The following WASHC4 variants were observed in gnomAD, a reference collection of about 807,000 sequenced individuals.
The protein encoded by WASHC4 is WASH complex subunit 7.
A neutral mutation model predicts 166.6 loss-of-function variants in WASHC4; 86 were observed. That is an observed-to-expected ratio of 0.52 (90% confidence interval 0.43 to 0.62). WASHC4 has a LOEUF of 0.62. Ranked by LOEUF, WASHC4 falls within the 20% of genes least tolerant of loss-of-function variation. The pLI, the probability that WASHC4 is intolerant of heterozygous loss-of-function variation, is 0.00. For missense variants in WASHC4, 1,262 were observed against 1,382.4 expected, an observed-to-expected ratio of 0.91 and a Z score of 1.38; for synonymous variants, 446 against 451.6, an observed-to-expected ratio of 0.99 and a Z score of 0.16.
chr12:105,107,748 C>A lies in WASHC4; in HGVS notation c.-53C>A, dbSNP rs576445062. 194 of 1,350,542 alleles carry A rather than the reference C, an allele frequency of 1.4e-4. No individual in the cohort carries two copies. Among genetic ancestry groups the A allele is most frequent in the Admixed American group, 1.3e-3 (63 of 50,018 alleles). The allele number at this position is 1,350,542 out of a possible 1,614,324, so 83.7% of individuals were successfully genotyped here. A position where few individuals can be genotyped will look rare whatever the true frequency, so the allele number is the denominator to read the frequency against. On this transcript the variant is annotated 5_prime_UTR_variant, in exon 1 of 33. Coordinates refer to ENST00000332180, the MANE Select transcript of WASHC4 (RefSeq NM_015275.3). ...GCTGTGACAGTAGCTGGGGTGAGGC[C>A]GTCGTCGCCGCACGGGCTGGTTGGG... is the stretch of plus-strand genomic sequence containing the variant.
In WASHC4 at chr12:105,162,753, TCAACTTTGTAGAG is replaced by T; in HGVS notation, c.3068_3080del (p.Asn1023IlefsTer9). ...CATGTTGTTACATCTTTTTAGACCCTCAACTTTGTAGAGCATTCCATTAGTTGCAAGGAAAAAT... is the reference window on the plus strand; with the variant it reads ...CATGTTGTTACATCTTTTTAGACCCTCATTCCATTAGTTGCAAGGAAAAAT... On this transcript the variant is annotated frameshift_variant, in exon 30 of 33. Transcript: ENST00000332180. LOFTEE classifies it high-confidence loss of function. 6.4e-7 allele frequency: 1 copy of T among 1,560,604 alleles called. No homozygotes were observed. The highest frequency in any genetic ancestry group is 8.8e-7 in the Non-Finnish European group (1 of 1,134,532).
At chr12:105,161,077 T>TA (rs980646125) in intron 29 of WASHC4, among the ~76,000 whole-genome samples, 2 of 151,978 alleles carry the variant, frequency 1.3e-5, no homozygotes, top group African/African-American at 2.4e-5. Flanking sequence ...CTATAAAGTT[T>TA]AAAAAAAATT....
chr12:105,141,266 G>A lies in WASHC4; in HGVS notation c.1787+20G>A. 2.8e-6 allele frequency: 4 copies of A among 1,451,578 alleles called. No individual in the cohort carries two copies. Among genetic ancestry groups the A allele is most frequent in the Non-Finnish European group, 3.9e-6 (4 of 1,031,688 alleles). The allele number at this position is 1,451,578 out of a possible 1,614,324, so 89.9% of individuals were successfully genotyped here. A position where few individuals can be genotyped will look rare whatever the true frequency, so the allele number is the denominator to read the frequency against. ...AGAACGGTAAGTAGGACTGGGATAT[G>A]CTGTGGTACTCCAAAGACAGGGTTA... On this transcript the variant is annotated intron_variant, in intron 18 of 32. Coordinates refer to ENST00000332180, the MANE Select transcript of WASHC4 (RefSeq NM_015275.3).
At chr12:105,135,822 A>G (rs889673752) in intron 14 of WASHC4, among the ~76,000 whole-genome samples, 2 of 152,046 alleles carry the variant, frequency 1.3e-5, no homozygotes, top group Non-Finnish European at 2.9e-5. Flanking sequence ...GCTTATTTTG[A>G]AGCACATGTC....
chr12:105,137,209 T>G (rs1882406546), intron 14 of WASHC4, among the ~76,000 whole-genome samples: 1 of 152,212 alleles, frequency 6.6e-6, no homozygotes, highest in African/African-American at 2.4e-5. Flanking sequence ...TCACTGAGTT[T>G]AATAGCATTA....
chr12:105,155,735 G>C (rs1409233758), intron 26 of WASHC4, among the ~76,000 whole-genome samples: 1 of 152,150 alleles, frequency 6.6e-6, no homozygotes, highest in African/African-American at 2.4e-5. Context: ...ACAGCTACTT[G>C]GGAGGCTGAG....
intron 28 of WASHC4, among the ~76,000 whole-genome samples, chr12:105,158,504 A>G (rs1032614923): frequency 1.3e-5 from 2 of 152,206 alleles, no homozygotes; most frequent in Non-Finnish European, 2.9e-5. Context: ...TGAAAAATTT[A>G]GAATGTGAGC....
At chr12:105,129,163 C>G (rs1021860874) in intron 13 of WASHC4, among the ~76,000 whole-genome samples, 63 of 152,144 alleles carry the variant, frequency 4.1e-4, no homozygotes, top group Non-Finnish European at 2.4e-4. Flanking sequence ...TCAGGCTGGT[C>G]TCGAACTCCT....
At chr12:105,159,511 A>G (rs778905705) in intron 28 of WASHC4, among the ~76,000 whole-genome samples, 35 of 152,194 alleles carry the variant, frequency 2.3e-4, no homozygotes, top group Non-Finnish European at 3.7e-4. Flanking sequence ...GTCACAAAGG[A>G]AGATTTCTTT....
chr12:105,126,689 A>G (rs962764372), intron 12 of WASHC4, among the ~76,000 whole-genome samples: 2 of 151,928 alleles, frequency 1.3e-5, no homozygotes, highest in Admixed American at 6.6e-5. Flanking sequence ...ATTTCTTTCT[A>G]TGTCTTTGCT....
chr12:105,112,453 TG>T (rs1879790029), intron 2 of WASHC4, among the ~76,000 whole-genome samples: 2 of 151,012 alleles, frequency 1.3e-5, no homozygotes, highest in Admixed American at 6.6e-5. Flanking sequence ...GTGGAAATCC[TG>T]GGTTATGTGG....
chr12:105,147,769 G>A, intron 24 of WASHC4: 1 of 353,704 alleles, frequency 2.8e-6, no homozygotes, highest in Non-Finnish European at 4.0e-6. Context: ...GCCAGGCGTG[G>A]TGGCGGGCGC....
At chr12:105,129,811 A>G (rs1881631794) in intron 13 of WASHC4, among the ~76,000 whole-genome samples, 3 of 152,270 alleles carry the variant, frequency 2.0e-5, no homozygotes, top group Admixed American at 2.0e-4. Context: ...GGTGAAGATG[A>G]CAGATAGTAA....
At position 105,149,711 on chromosome 12, in the gene WASHC4, C is replaced by A; in HGVS notation, c.2611C>A (p.Arg871=). 1 of 1,585,252 alleles carries A rather than the reference C, an allele frequency of 6.3e-7. No individual in the cohort carries two copies. The highest frequency in any genetic ancestry group is 1.1e-5 in the South Asian group (1 of 89,484). ...CAAATCCAGATTGATTAAAGATATT[C>A]GATTTTTCAGGGAAATTAAGGACCA... ...HIKSRLIKDI[R]FFREIKDQND... Residue 871 remains arginine (R), a synonymous_variant, in exon 25 of 33, where the codon CGA becomes AGA. Transcript: ENST00000332180.
At position 105,137,763 on chromosome 12, in the gene WASHC4, G is replaced by A. The variant is rs937603148; in HGVS notation, c.1327-123G>A. 9 of 756,186 alleles carry A rather than the reference G, an allele frequency of 1.2e-5. No homozygotes were observed. The African/African-American group carries it at 1.4e-4, about 12-fold the overall frequency. 46.8% of individuals were successfully genotyped at this position (756,186 alleles called of 1,614,324 possible). A position where few individuals can be genotyped will look rare whatever the true frequency, so the allele number is the denominator to read the frequency against. On this transcript the variant is annotated intron_variant, in intron 14 of 32. Transcript: ENST00000332180. ...GAGTATTTCCAAATCTTAAGAGCTGGCTTTAAGATGAACTTTAGAAACATT... is the reference window on the plus strand; with the variant it reads ...GAGTATTTCCAAATCTTAAGAGCTGACTTTAAGATGAACTTTAGAAACATT...
Position 105,157,259 on chromosome 12 carries a change from T to C in WASHC4, c.2849T>C (p.Ile950Thr), listed in dbSNP as rs1355094828. 1.9e-6 allele frequency: 3 copies of C among 1,546,332 alleles called. No homozygotes were observed. The highest frequency in any genetic ancestry group is 2.7e-6 in the Non-Finnish European group (3 of 1,121,176). ...AGATTTGTTCCTGATCTTGAAGATA[T>C]TGTAAATTTTGAAGAACTAGTAAAA... ...AIRFVPDLED[I>T]VNFEELVKEE... The change falls in exon 28 of 33, where the codon ATT becomes ACT. Residue 950 changes from isoleucine to threonine, a missense_variant. Transcript: ENST00000332180.
At chr12:105,165,298 A>G (rs570312035) in intron 32 of WASHC4, among the ~76,000 whole-genome samples, 3 of 152,326 alleles carry the variant, frequency 2.0e-5, no homozygotes, top group South Asian at 2.1e-4. Flanking sequence ...ATTGTATTCT[A>G]TGTAGGATGG....
chr12:105,165,447 G>A (rs1015745813), intron 32 of WASHC4, among the ~76,000 whole-genome samples: 2 of 152,056 alleles, frequency 1.3e-5, no homozygotes, highest in South Asian at 2.1e-4. Flanking sequence ...CCCTTTTTCT[G>A]TCATGGATAT....
chr12:105,123,509 G>A lies in WASHC4; in HGVS notation c.786+1271G>A, dbSNP rs12427018. 7.6e-3 allele frequency among the ~76,000 whole-genome samples: 1,154 copies of A among 152,302 alleles called. 50 individuals are homozygous for A. Among genetic ancestry groups the A allele is most frequent in the Admixed American group, 0.067 (1,029 of 15,302 alleles). ...GACTGAATTGAAAATCAAACCAACCGCAACATTAGTTTAAGCCAAAGCCTA... is the reference window on the plus strand; with the variant it reads ...GACTGAATTGAAAATCAAACCAACCACAACATTAGTTTAAGCCAAAGCCTA... On this transcript the variant is annotated intron_variant, in intron 10 of 32. Coordinates refer to ENST00000332180, the MANE Select transcript of WASHC4 (RefSeq NM_015275.3).
Sources: allele counts gnomAD v4.1 joint callset (sites outside exome capture counted in the v4.1 genomes callset), GRCh38; gene constraint gnomAD v4.1.1; transcripts MANE v1.5; gene names NCBI Gene and HGNC (gene_info 2026-07-23, HGNC 2026-07-21).